Variants in LRBA observed in about 807,000 individuals in gnomAD.
LRBA encodes LPS responsive beige-like anchor protein.
Under a neutral mutation model 330.0 loss-of-function variants are expected in LRBA, and 176 were observed. The observed-to-expected ratio is 0.53, with a 90% CI of 0.47 to 0.60. The LOEUF (loss-of-function observed/expected upper bound fraction) is 0.60, where lower values mean the gene tolerates loss of function less well. Among genes scored for constraint, LRBA ranks in the 20% least tolerant of loss-of-function variants. The pLI is 0.00. For missense variants in LRBA, 3,259 were observed against 3,444.8 expected (o/e 0.95, Z 1.35); for synonymous variants, 1,230 against 1,193.0 (o/e 1.03, Z -0.64).
At chr4:150,687,385 C>T (rs1393332659) in intron 36 of LRBA, among the ~76,000 whole-genome samples, 1 of 151,942 alleles carries the variant, frequency 6.6e-6, no homozygotes, top group African/African-American at 2.4e-5. Context: ...TGCTATTTAT[C>T]GGTAACATAA....
intron 30 of LRBA, among the ~76,000 whole-genome samples, chr4:150,825,964 A>G (rs1746205297): frequency 6.6e-6 from 1 of 152,150 alleles, no homozygotes; most frequent in African/African-American, 2.4e-5. Flanking sequence ...TGACACCAGG[A>G]GGCAAAAAAA....
intron 22 of LRBA, among the ~76,000 whole-genome samples, chr4:150,862,293 T>C (rs1310238019): frequency 6.6e-6 from 1 of 152,158 alleles, no homozygotes; most frequent in East Asian, 1.9e-4. Context: ...TGTCCAACAA[T>C]GATAGACTGG....
intron 36 of LRBA, among the ~76,000 whole-genome samples, chr4:150,710,277 G>A (rs1786050476): frequency 6.6e-6 from 1 of 152,092 alleles, no homozygotes; most frequent in Non-Finnish European, 1.5e-5. Flanking sequence ...AAGCAAGTAA[G>A]TAAATGGAAG....
At chr4:150,683,972 G>C (rs747695233) in intron 36 of LRBA, 4 of 335,712 alleles carry the variant, frequency 1.2e-5, no homozygotes, top group Non-Finnish European at 2.2e-5. Context: ...ATGAGACAAA[G>C]ACAGTCTTGT....
chr4:150,592,086 G>A (rs1307005556), intron 38 of LRBA, among the ~76,000 whole-genome samples: 1 of 148,524 alleles, frequency 6.7e-6, no homozygotes, highest in Admixed American at 6.7e-5. Flanking sequence ...AAATCCCAGA[G>A]GTAAAGCACC....
intron 40 of LRBA, among the ~76,000 whole-genome samples, chr4:150,577,115 C>G (rs547654217): frequency 2.0e-5 from 3 of 151,876 alleles, no homozygotes; most frequent in Non-Finnish European, 4.4e-5. Flanking sequence ...GAAACAATCT[C>G]CTTAACACTT....
chr4:150,442,253 T>C (rs977776846), intron 44 of LRBA, among the ~76,000 whole-genome samples: 1 of 152,022 alleles, frequency 6.6e-6, no homozygotes, highest in Non-Finnish European at 1.5e-5. Context: ...ACTCCAACGT[T>C]TGGAGATGAG....
In LRBA at chr4:150,629,017, C is replaced by T. The variant is rs1777116266; in HGVS notation, c.5922-29886G>A. 3.9e-5 allele frequency among the ~76,000 whole-genome samples: 6 copies of T among 152,132 alleles called. No homozygotes were observed. In the South Asian group the frequency reaches 1.2e-3, roughly 32 times the overall value. On this transcript the variant is annotated intron_variant, in intron 37 of 56. Transcript: ENST00000651943. ...GGCTCAAATGATCCTCCTGCCTCAT[C>T]CCCCAGGCAACTGGGACTACAGCTC...
intron 40 of LRBA, among the ~76,000 whole-genome samples, chr4:150,501,031 A>G (rs1441857346): frequency 6.6e-6 from 1 of 152,236 alleles, no homozygotes; most frequent in Non-Finnish European, 1.5e-5. Context: ...ACTAAATGCT[A>G]TGCTCACATT....
intron 2 of LRBA, among the ~76,000 whole-genome samples, chr4:151,001,686 AC>A (rs1743355372): frequency 6.6e-6 from 1 of 151,990 alleles, no homozygotes; most frequent in Non-Finnish European, 1.5e-5. Context: ...CTCTGCCTTT[AC>A]CCATACTATG....
intron 36 of LRBA, among the ~76,000 whole-genome samples, chr4:150,725,706 T>C (rs187558190): frequency 2.4e-4 from 36 of 152,234 alleles, no homozygotes; most frequent in East Asian, 1.9e-3. Flanking sequence ...TACATTGTAA[T>C]TGGAGTGTAT....
At chr4:150,481,086 G>A (rs1232957818) in intron 42 of LRBA, among the ~76,000 whole-genome samples, 4 of 152,128 alleles carry the variant, frequency 2.6e-5, no homozygotes, top group Non-Finnish European at 4.4e-5. Context: ...GTGAGAACAC[G>A]CAGTGTTTAA....
intron 37 of LRBA, among the ~76,000 whole-genome samples, chr4:150,675,125 A>G (rs555582951): frequency 5.3e-5 from 8 of 152,074 alleles, no homozygotes; most frequent in Non-Finnish European, 1.2e-4. Flanking sequence ...GCTTCAGCCC[A>G]GGAGGTTGAT....
chr4:150,378,610 G>A (rs999792169), intron 47 of LRBA, among the ~76,000 whole-genome samples: 31 of 152,206 alleles, frequency 2.0e-4, no homozygotes, highest in African/African-American at 7.0e-4. Context: ...CATCAGAGAC[G>A]GAATCACATT....
intron 44 of LRBA, among the ~76,000 whole-genome samples, chr4:150,463,705 G>T (rs1431995365): frequency 1.3e-5 from 2 of 151,928 alleles, no homozygotes; most frequent in Non-Finnish European, 2.9e-5. Context: ...CTTAGGTACA[G>T]CTGTAATATA....
At chr4:151,012,645 T>C (rs1744981391) in intron 2 of LRBA, among the ~76,000 whole-genome samples, 1 of 152,174 alleles carries the variant, frequency 6.6e-6, no homozygotes, top group Admixed American at 6.5e-5. Flanking sequence ...CCAGAGTTCA[T>C]TATACTATTC....
intron 34 of LRBA, among the ~76,000 whole-genome samples, chr4:150,787,602 A>G (rs1344875816): frequency 2.0e-5 from 3 of 152,178 alleles, no homozygotes; most frequent in Non-Finnish European, 4.4e-5. Flanking sequence ...TGCAATGCAT[A>G]ATAATCACAT....
intron 36 of LRBA, among the ~76,000 whole-genome samples, chr4:150,702,365 T>G (rs895735734): frequency 2.6e-5 from 4 of 152,108 alleles, no homozygotes; most frequent in African/African-American, 9.7e-5. Context: ...TATAAAGTCA[T>G]TAGAAAAGAG....
intron 22 of LRBA, among the ~76,000 whole-genome samples, chr4:150,863,538 T>C (rs1752246439): frequency 6.6e-6 from 1 of 152,130 alleles, no homozygotes; most frequent in African/African-American, 2.4e-5. Flanking sequence ...GGCAGGCAAC[T>C]GTAATCCCAG....
Sources: gnomAD v4.1 joint callset for allele counts (sites outside exome capture counted in the v4.1 genomes callset) on GRCh38, gnomAD v4.1.1 for gene constraint, MANE v1.5 for transcripts, NCBI Gene and HGNC (gene_info 2026-07-23, HGNC 2026-07-21) for gene names.